Variants in SARDH observed in about 807,000 individuals in gnomAD.
The protein encoded by SARDH is sarcosine dehydrogenase, mitochondrial.
Under a neutral mutation model 109.1 loss-of-function variants are expected in SARDH, and 95 were observed. The ratio of observed to expected loss-of-function variants is 0.87; its 90% CI spans 0.74 to 1.03. SARDH has a LOEUF of 1.03. Ranked by LOEUF, SARDH falls within the 50% of genes least tolerant of loss-of-function variation. The pLI is 0.00. For synonymous variants in SARDH, 572 were observed against 534.8 expected (o/e 1.07, Z -0.96); for missense variants, 1,267 against 1,287.8 (o/e 0.98, Z 0.25).
intron 13 of SARDH, among the ~76,000 whole-genome samples, chr9:133,699,530 A>G (rs1439412276): frequency 6.6e-6 from 1 of 151,896 alleles, no homozygotes; most frequent in African/African-American, 2.4e-5. Flanking sequence ...AATAATAATA[A>G]GACAAATAAC....
chr9:133,671,436 C>T (rs1830343345), intron 18 of SARDH, 99 bp downstream of exon 18: 1 of 1,392,006 alleles, frequency 7.2e-7, no homozygotes, highest in African/African-American at 1.5e-5. Context: ...GGTGACAACA[C>T]AGGGAAGGTA....
chr9:133,720,785 T>C (rs1290827368), intron 6 of SARDH, among the ~76,000 whole-genome samples: 1 of 152,086 alleles, frequency 6.6e-6, no homozygotes, highest in Non-Finnish European at 1.5e-5. Context: ...CCTTGACACA[T>C]GGGGATTATT....
At chr9:133,690,320 T>C (rs755815336) in intron 16 of SARDH, 60 bp downstream of exon 16, 7 of 1,577,018 alleles carry the variant, frequency 4.4e-6, no homozygotes, top group Non-Finnish European at 6.0e-6. Context: ...AAGGGCCTGT[T>C]GGAGGACCTG....
intron 11 of SARDH, among the ~76,000 whole-genome samples, chr9:133,707,229 G>A (rs895247965): frequency 2.6e-5 from 4 of 152,200 alleles, no homozygotes; most frequent in Non-Finnish European, 4.4e-5. Flanking sequence ...AAGTTTCTTC[G>A]GTAGAGCTGC....
rs1476261130 is a variant in SARDH, at chr9:133,696,319, A to G, written c.1711T>C (p.Phe571Leu). ...AACTTCCCGAAGTAGGACATGTCAAACACAGCGGCGGCCCCTCTGCAGGCC... is the reference window on the plus strand; with the variant it reads ...AACTTCCCGAAGTAGGACATGTCAAGCACAGCGGCGGCCCCTCTGCAGGCC... ...CLACRGAAAV[F>L]DMSYFGKFYL... Residue 571 changes from phenylalanine (F) to leucine (L), a missense_variant, in exon 14 of 21, where the codon TTT (phenylalanine) becomes CTT (leucine). By Grantham distance (22) the Phe-to-Leu change is conservative (BLOSUM62 0). Coordinates refer to ENST00000439388, the MANE Select transcript of SARDH (RefSeq NM_001134707.2). 1.9e-5 allele frequency: 31 copies of G among 1,614,024 alleles called. No individual in the cohort carries two copies. The Middle Eastern group carries it at 6.6e-4, about 34-fold the overall frequency.
chr9:133,667,819 A>C (rs1449285887), intron 19 of SARDH, among the ~76,000 whole-genome samples: 1 of 152,086 alleles, frequency 6.6e-6, no homozygotes, highest in African/African-American at 2.4e-5. Context: ...GGTTTCGTAA[A>C]CATCTTTGGT....
At chr9:133,689,557 G>T (rs1308600828) in intron 16 of SARDH, among the ~76,000 whole-genome samples, 1 of 152,222 alleles carries the variant, frequency 6.6e-6, no homozygotes, top group African/African-American at 2.4e-5. Context: ...CTGACCAGCT[G>T]TGTGACCTTG....
Position 133,718,726 on chromosome 9 carries a change from C to T in SARDH, c.1020+212G>A, listed in dbSNP as rs762290770. On this transcript the variant is annotated intron_variant, in intron 7 of 20. Transcript: ENST00000439388. The surrounding 1 kb of genome is among the most constrained non-coding windows in gnomAD (Gnocchi z 4.2). The stretch of plus-strand genomic sequence containing the variant: ...CTCTGTGGATGTTTTGAGGCAAAGC[C>T]CTCCAGCTGCCCTGGGTCTGTATTT... 3 of 779,910 alleles carry T rather than the reference C, an allele frequency of 3.8e-6. No individual in the cohort carries two copies. The South Asian group carries it at 4.0e-5, about 10-fold the overall frequency. 48.3% of individuals were successfully genotyped at this position (779,910 alleles called of 1,614,324 possible). A position where few individuals can be genotyped will look rare whatever the true frequency, so the allele number is the denominator to read the frequency against.
chr9:133,691,511 G>C (rs928119432), intron 15 of SARDH, among the ~76,000 whole-genome samples: 2 of 152,108 alleles, frequency 1.3e-5, no homozygotes, highest in East Asian at 1.9e-4. Flanking sequence ...CAGTGGGTGT[G>C]GGGGGAGCTG....
At chr9:133,719,098 T>C in intron 6 of SARDH, 56 bp from the exon 7 acceptor site, 1 of 1,484,230 alleles carries the variant, frequency 6.7e-7, no homozygotes. Flanking sequence ...GGGACTTGGT[T>C]CCCCATGCCC....
Position 133,686,656 on chromosome 9 carries a change from C to T in SARDH, c.2070-1370G>A, listed in dbSNP as rs1830896869. On this transcript the variant is annotated intron_variant, in intron 16 of 20. Coordinates refer to ENST00000439388, the MANE Select transcript of SARDH (RefSeq NM_001134707.2). This position sits in a 1 kb window ranked among gnomAD's most constrained non-coding sequence, Gnocchi z 4.0. ...GCTTGGCACAGCAGGGTGAGGCCCC[C>T]ATTGCTAGGAGACGCCCCCCCACTT... is the stretch of plus-strand genomic sequence containing the variant. 6.6e-6 allele frequency among the ~76,000 whole-genome samples: 1 copy of T among 152,120 alleles called. No homozygotes were observed. Among genetic ancestry groups the T allele is most frequent in the East Asian group, 1.9e-4 (1 of 5,184 alleles).
At chr9:133,734,364 C>CTCATTCATTCAT (rs199864550) in intron 1 of SARDH, among the ~76,000 whole-genome samples, 161 bp from the exon 2 acceptor site, 1 of 147,376 alleles carries the variant, frequency 6.8e-6, no homozygotes, top group Non-Finnish European at 1.5e-5. Flanking sequence ...CATTCATTCA[C>CTCATTCATTCAT]TCATTCATTC....
Position 133,666,587 on chromosome 9 carries a change from T to C in SARDH, c.2631+148A>G, listed in dbSNP as rs563140542. The C allele has an allele frequency of 4.9e-6, 4 of 808,916 alleles. No individual in the cohort carries two copies. The highest frequency in any genetic ancestry group is 6.9e-6 in the Non-Finnish European group (4 of 578,306). The allele number at this position is 808,916 out of a possible 1,614,324, so 50.1% of individuals were successfully genotyped here. A position where few individuals can be genotyped will look rare whatever the true frequency, so the allele number is the denominator to read the frequency against. ...CTTCCTTCCTCCCCCTCTTCCCTCC[T>C]CCCTCCTTTCTCTTCCCTCCTCCTC... On this transcript the variant is annotated intron_variant, in intron 20 of 20. Coordinates refer to ENST00000439388, the MANE Select transcript of SARDH (RefSeq NM_001134707.2). The surrounding 1 kb of genome is among the most constrained non-coding windows in gnomAD (Gnocchi z 5.2).
At chr9:133,706,346 C>T (rs1831696370) in intron 11 of SARDH, among the ~76,000 whole-genome samples, 1 of 152,150 alleles carries the variant, frequency 6.6e-6, no homozygotes, top group African/African-American at 2.4e-5. Context: ...AGGAATGAAG[C>T]CAGACACAAA....
At position 133,694,382 on chromosome 9, in the gene SARDH, G is replaced by A. The variant is rs1307324534; in HGVS notation, c.1808-11C>T. ...TGTACACGGTGGAGCCTGCGAGAGG[G>A]AGAAGGAAGCCGGGTCTGTGCTGAG... On this transcript the variant is annotated splice_polypyrimidine_tract_variant and intron_variant, in intron 14 of 20. Transcript: ENST00000439388. 3.9e-6 allele frequency: 6 copies of A among 1,548,032 alleles called. No homozygotes were observed. The highest frequency in any genetic ancestry group is 3.4e-4 in the Middle Eastern group (2 of 5,954).
At chr9:133,700,033 A>G (rs1415742105) in intron 13 of SARDH, among the ~76,000 whole-genome samples, 8 of 152,258 alleles carry the variant, frequency 5.3e-5, no homozygotes, top group Non-Finnish European at 1.0e-4. Context: ...TTGGGATAAA[A>G]AGGAATGAAG....
intron 13 of SARDH, among the ~76,000 whole-genome samples, 198 bp downstream of exon 13, chr9:133,702,718 G>C (rs575904517): frequency 4.9e-5 from 4 of 81,344 alleles, no homozygotes; most frequent in African/African-American, 1.2e-4. Context: ...GCAAAATCTC[G>C]GCACAGAGGG....
chr9:133,703,389 C>A, intron 12 of SARDH: 1 of 313,264 alleles, frequency 3.2e-6, no homozygotes, highest in East Asian at 6.2e-5. Flanking sequence ...CCAGCTCCTG[C>A]TCTGGGCCAG....
chr9:133,734,412 T>TCAC, intron 1 of SARDH, among the ~76,000 whole-genome samples: 1 of 127,368 alleles, frequency 7.9e-6, no homozygotes, highest in East Asian at 2.0e-4. Context: ...CATTCACTCA[T>TCAC]TCATTCATTC....
Sources: allele counts gnomAD v4.1 joint callset (sites outside exome capture counted in the v4.1 genomes callset), GRCh38; gene constraint gnomAD v4.1.1; non-coding constraint Gnocchi (gnomAD v3.1); transcripts MANE v1.5; gene names NCBI Gene and HGNC (gene_info 2026-07-23, HGNC 2026-07-21).